RPTOR: variants seen among roughly 807,000 people sequenced by gnomAD.
The protein encoded by RPTOR is regulatory associated protein of MTOR complex 1.
A neutral mutation model predicts 169.9 loss-of-function variants in RPTOR; 21 were observed. The ratio of observed to expected loss-of-function variants is 0.12; its 90% CI spans 0.09 to 0.18. RPTOR has a LOEUF of 0.18. Ranked by LOEUF, RPTOR falls within the 10% of genes least tolerant of loss-of-function variation. The pLI, the probability that RPTOR is intolerant of heterozygous loss-of-function variation, is 1.00. For synonymous variants in RPTOR, 732 were observed against 753.2 expected (o/e 0.97, Z 0.46); for missense variants, 1,133 against 1,855.9 (o/e 0.61, Z 7.16).
chr17:80,773,984 C>G (rs567586872), intron 6 of RPTOR: 1 of 985,322 alleles, frequency 1.0e-6, no homozygotes, highest in African/African-American at 1.7e-5. Context: ...GCCCTCTTCT[C>G]GGGCTGTCAG....
chr17:80,954,883 C>T lies in RPTOR; in HGVS notation c.3371-2741C>T, dbSNP rs551368367. Reference sequence around the variant, plus strand: ...AGTGAGCCAAGATCACACCACTGCACTCCAGCCTGGGCAAAAGTGTGAGAC... The same window carrying T: ...AGTGAGCCAAGATCACACCACTGCATTCCAGCCTGGGCAAAAGTGTGAGAC... On this transcript the variant is annotated intron_variant, in intron 28 of 33. Coordinates refer to ENST00000306801, the MANE Select transcript of RPTOR (RefSeq NM_020761.3). Among the ~76,000 whole-genome samples, 4 of 152,152 alleles carry T rather than the reference C, an allele frequency of 2.6e-5. No homozygotes were observed. In the South Asian group the frequency reaches 6.2e-4, roughly 24 times the overall value.
chr17:80,882,127 G>A (rs979527213), intron 14 of RPTOR, among the ~76,000 whole-genome samples: 8 of 152,174 alleles, frequency 5.3e-5, no homozygotes, highest in African/African-American at 1.7e-4. Context: ...CACCTGGAGC[G>A]CCGTCCATGA....
At chr17:80,869,990 T>TAA (rs2068035069) in intron 13 of RPTOR, among the ~76,000 whole-genome samples, 1 of 152,136 alleles carries the variant, frequency 6.6e-6, no homozygotes, top group South Asian at 2.1e-4. Flanking sequence ...TAGTGGTTGT[T>TAA]TTAATAAGTT....
At chr17:80,912,150 CT>C (rs1298167303) in intron 21 of RPTOR, among the ~76,000 whole-genome samples, 4 of 152,192 alleles carry the variant, frequency 2.6e-5, no homozygotes, top group Admixed American at 6.5e-5. Context: ...GTTGTAAAAG[CT>C]TTTTACGAAC....
chr17:80,720,715 T>C (rs1174109011), intron 4 of RPTOR, among the ~76,000 whole-genome samples: 2 of 152,210 alleles, frequency 1.3e-5, no homozygotes, highest in East Asian at 3.9e-4. Flanking sequence ...TGCCCATGCT[T>C]GAGTGCGCCC....
Position 80,730,447 on chromosome 17 carries a change from GTC to G in RPTOR, c.508-108_508-107del, listed in dbSNP as rs1343456862. 2.1e-5 allele frequency: 25 copies of G among 1,206,938 alleles called. No individual in the cohort carries two copies. The highest frequency in any genetic ancestry group is 2.9e-5 in the Non-Finnish European group (24 of 839,242). The allele number at this position is 1,206,938 out of a possible 1,614,324, so 74.8% of individuals were successfully genotyped here. A position where few individuals can be genotyped will look rare whatever the true frequency, so the allele number is the denominator to read the frequency against. On this transcript the variant is annotated intron_variant, in intron 4 of 33. Transcript: ENST00000306801. This position sits in a 1 kb window ranked among gnomAD's most constrained non-coding sequence, Gnocchi z 4.2. ...AGTTTTGTATAAAGGCTAACTCAGCGTCTCTCCAGCCACCAGGCTCAATGTGT... is the reference window on the plus strand; with the variant it reads ...AGTTTTGTATAAAGGCTAACTCAGCGTCTCCAGCCACCAGGCTCAATGTGT...
intron 6 of RPTOR, chr17:80,774,352 CAT>C: frequency 2.0e-6 from 2 of 985,198 alleles, no homozygotes; most frequent in South Asian, 4.7e-5. Context: ...TGAATTGTAT[CAT>C]ATTTCACAAT....
At chr17:80,610,802 T>C (rs929218065) in intron 1 of RPTOR, among the ~76,000 whole-genome samples, 8 of 152,212 alleles carry the variant, frequency 5.3e-5, no homozygotes, top group East Asian at 1.9e-4. Flanking sequence ...CAGAAAGTTC[T>C]TTTTGACTTC....
rs1357203217 is a variant in RPTOR, at chr17:80,966,066, TGAGACAAAA to T, written c.*1737_*1745del. On this transcript the variant is annotated 3_prime_UTR_variant, in exon 34 of 34. Transcript: ENST00000306801. ...ACCCAACACGCGTTTCTGTTTGTTT[TGAGACAAAA>T]TCACCACCTGTCAAAAGGCAGGTGG... 2.6e-5 allele frequency: 6 copies of T among 231,472 alleles called. No homozygotes were observed. The highest frequency in any genetic ancestry group is 1.3e-4 in the African/African-American group (6 of 45,156). The allele number at this position is 231,472 out of a possible 1,614,324, so 14.3% of individuals were successfully genotyped here.
intron 25 of RPTOR, among the ~76,000 whole-genome samples, chr17:80,943,219 C>T (rs760910131): frequency 2.6e-5 from 4 of 152,342 alleles, no homozygotes; most frequent in Non-Finnish European, 4.4e-5. Flanking sequence ...TGGAGGTGGG[C>T]GGCTTTGGCT....
chr17:80,800,576 C>T (rs1397820433), intron 7 of RPTOR, among the ~76,000 whole-genome samples: 1 of 152,062 alleles, frequency 6.6e-6, no homozygotes, highest in Non-Finnish European at 1.5e-5. Context: ...CTCGAGCGAC[C>T]CCCCCAGTTT....
intron 3 of RPTOR, among the ~76,000 whole-genome samples, chr17:80,677,332 A>G (rs1480193327): frequency 1.3e-5 from 2 of 152,186 alleles, no homozygotes; most frequent in East Asian, 3.9e-4. Flanking sequence ...CTGAACAGTA[A>G]TTCCTAAACT....
At chr17:80,785,859 T>C (rs765606970) in intron 6 of RPTOR, among the ~76,000 whole-genome samples, 6 of 152,192 alleles carry the variant, frequency 3.9e-5, no homozygotes, top group Non-Finnish European at 7.4e-5. Context: ...AAGCCACTTA[T>C]GTCTTCACCA....
chr17:80,577,779 G>A (rs1839357396), intron 1 of RPTOR, among the ~76,000 whole-genome samples: 1 of 152,224 alleles, frequency 6.6e-6, no homozygotes, highest in Admixed American at 6.5e-5. Context: ...GAAGGGCCTT[G>A]GACCTGCAGC....
At chr17:80,946,823 T>A (rs1257732259) in intron 26 of RPTOR, among the ~76,000 whole-genome samples, 1 of 152,266 alleles carries the variant, frequency 6.6e-6, no homozygotes, top group African/African-American at 2.4e-5. Context: ...TTCTGTTTTT[T>A]GGGGATACGC....
intron 16 of RPTOR, among the ~76,000 whole-genome samples, chr17:80,884,202 G>A (rs2068216524): frequency 6.6e-6 from 1 of 152,198 alleles, no homozygotes; most frequent in Non-Finnish European, 1.5e-5. Context: ...GCTGCAAGCG[G>A]GGGTCCCAGA....
chr17:80,879,857 C>T (rs1598374185), intron 13 of RPTOR, among the ~76,000 whole-genome samples: 1 of 152,222 alleles, frequency 6.6e-6, no homozygotes. Context: ...CACCAGGAAA[C>T]CTCCCACCTT....
chr17:80,588,634 C>A (rs8064502), intron 1 of RPTOR, among the ~76,000 whole-genome samples: 50,568 of 152,074 alleles, frequency 0.33, 9,303 homozygotes, highest in Non-Finnish European at 0.43. Flanking sequence ...TTCTGTTTTT[C>A]ATTTTCATTT....
chr17:80,903,423 A>G (rs535252114), intron 20 of RPTOR, among the ~76,000 whole-genome samples: 1 of 152,362 alleles, frequency 6.6e-6, no homozygotes, highest in Admixed American at 6.5e-5. Flanking sequence ...GGGAGGCCAC[A>G]GAACAGTGGC....
Sources: allele counts gnomAD v4.1 joint callset (sites outside exome capture counted in the v4.1 genomes callset), GRCh38; gene constraint gnomAD v4.1.1; non-coding constraint Gnocchi (gnomAD v3.1); transcripts MANE v1.5; gene names NCBI Gene and HGNC (gene_info 2026-07-23, HGNC 2026-07-21).